The following PARP16 variants were observed in gnomAD, a reference collection of about 807,000 sequenced individuals.
PARP16 encodes the protein poly(ADP-ribose) polymerase family member 16.
A neutral mutation model predicts 35.0 loss-of-function variants in PARP16; 31 were observed. The ratio of observed to expected loss-of-function variants is 0.88; its 90% confidence interval spans 0.66 to 1.19. The LOEUF is 1.19. Ranked by LOEUF, PARP16 falls within the 50% of genes most tolerant of loss-of-function variation. The pLI is 0.00. For missense variants in PARP16, 424 were observed against 411.2 expected, an observed-to-expected ratio of 1.03 and a Z score of -0.27; for synonymous variants, 162 against 169.5, an observed-to-expected ratio of 0.96 and a Z score of 0.34.
intron 1 of PARP16, among the ~76,000 whole-genome samples, chr15:65,272,934 C>G (rs1026045959): frequency 2.6e-5 from 4 of 152,122 alleles, no homozygotes; most frequent in African/African-American, 9.7e-5. Flanking sequence ...CCTCCCAAAC[C>G]CTGGCAACCT....
downstream of PARP16, among the ~76,000 whole-genome samples, chr15:65,255,832 G>A (rs2089491771): frequency 6.6e-6 from 1 of 151,624 alleles, no homozygotes; most frequent in Non-Finnish European, 1.5e-5. Context: ...CCTCAGCCCT[G>A]CTCTGTAGCA....
At chr15:65,239,977 A>ATTTTTTTTTTTTTTTTT (rs72497616) in intron 3 of PARP16, among the ~76,000 whole-genome samples, 1 of 4,994 alleles carries the variant, frequency 2.0e-4, no homozygotes, top group African/African-American at 6.7e-4. Context: ...TTTTTTTTAA[A>ATTTTTTTTTTTTTTTTT]TACAGGGTCT....
intron 1 of PARP16, among the ~76,000 whole-genome samples, chr15:65,272,824 G>A (rs1327418855): frequency 6.6e-6 from 1 of 152,214 alleles, no homozygotes; most frequent in Non-Finnish European, 1.5e-5. Context: ...TCGCCAAGGG[G>A]TTGTCAGGAA....
intron 2 of PARP16, among the ~76,000 whole-genome samples, chr15:65,267,464 G>A (rs932999835): frequency 5.3e-5 from 8 of 150,634 alleles, no homozygotes; most frequent in East Asian, 2.0e-4. Context: ...AAAATTAGCC[G>A]GGCGTGGTGG....
In PARP16 at chr15:65,262,902, T is replaced by G. The variant is rs147946223; in HGVS notation, c.691+247A>C. Among the ~76,000 whole-genome samples the G allele has an allele frequency of 5.5e-3, 831 of 152,292 alleles. 11 individuals carry two copies. Among genetic ancestry groups the G allele is most frequent in the African/African-American group, 0.019 (800 of 41,570 alleles). On this transcript the variant is annotated intron_variant, in intron 4 of 5. Transcript: ENST00000649807. ...TGATTACTACTTCCTCTGAGCTGCCTCTGTGGGCCTCGTCAGCCTCCTTAC... is the reference window on the plus strand; with the variant it reads ...TGATTACTACTTCCTCTGAGCTGCCGCTGTGGGCCTCGTCAGCCTCCTTAC...
In PARP16 at chr15:65,263,189, G is replaced by A. The variant is rs2089791441; in HGVS notation, c.651C>T (p.Val217=). The A allele has an allele frequency of 6.2e-7, 1 of 1,614,000 alleles. No homozygotes were observed. The highest frequency in any genetic ancestry group is 1.3e-5 in the African/African-American group (1 of 74,916). The change falls in exon 4 of 6, where the codon GTC becomes GTT. Residue 217 remains valine, a synonymous_variant. Transcript: ENST00000649807. ...GGCACTTGACGTCCGGATGGTCAATGACCTCACACACGGCCACACAGCTAA... is the reference window on the plus strand; with the variant it reads ...GGCACTTGACGTCCGGATGGTCAATAACCTCACACACGGCCACACAGCTAA... ...PILSCVAVCE[V]IDHPDVKCQT...
intron 2 of PARP16, among the ~76,000 whole-genome samples, chr15:65,270,658 A>G (rs887269434): frequency 6.6e-6 from 1 of 152,168 alleles, no homozygotes; most frequent in Non-Finnish European, 1.5e-5. Flanking sequence ...TCCCCATTTT[A>G]TAGATGAGGA....
chr15:65,237,971 A>G (rs913429619), intron 3 of PARP16, among the ~76,000 whole-genome samples: 2 of 152,156 alleles, frequency 1.3e-5, no homozygotes, highest in African/African-American at 4.8e-5. Context: ...GATCTCATCC[A>G]TTCACTTGGC....
Position 65,259,388 on chromosome 15 carries a change from C to A in PARP16, c.*19G>T. On this transcript the variant is annotated 3_prime_UTR_variant, in exon 6 of 6. Coordinates refer to ENST00000649807, the MANE Select transcript of PARP16 (RefSeq NM_001316943.2). Reference sequence around the variant, plus strand: ...TAAGGCACATAGTTGAGGTAGCCCCCACACCAGGCCCAGAAAGATTATCTT... The same window carrying A: ...TAAGGCACATAGTTGAGGTAGCCCCAACACCAGGCCCAGAAAGATTATCTT... 1.2e-6 allele frequency: 2 copies of A among 1,613,838 alleles called. No homozygotes were observed. The highest frequency in any genetic ancestry group is 1.7e-6 in the Non-Finnish European group (2 of 1,179,780).
chr15:65,242,073 C>A (rs2089093514), intron 3 of PARP16, among the ~76,000 whole-genome samples: 3 of 152,114 alleles, frequency 2.0e-5, no homozygotes, highest in Admixed American at 2.0e-4. Context: ...GATAGAGGTT[C>A]ATTTTGTTTG....
rs1271695340 is a variant in PARP16, at chr15:65,260,909, A to G, written c.809T>C (p.Val270Ala). Residue 270 changes from valine (V) to alanine (A), a missense_variant, in exon 5 of 6, where the codon GTG becomes GCG. Transcript: ENST00000649807. Reference sequence around the variant, plus strand: ...CCTCTTGGGTGGCTTCTGTGAATACACCAGGAGGTACTTCACTCGCAGCAG... The same window carrying G: ...CCTCTTGGGTGGCTTCTGTGAATACGCCAGGAGGTACTTCACTCGCAGCAG... ...NQLLRVKYLLVYSQKPPKRAS... is the reference protein window; with the variant it reads ...NQLLRVKYLLAYSQKPPKRAS... 1 of 1,613,758 alleles carries G rather than the reference A, an allele frequency of 6.2e-7. No homozygotes were observed. Among genetic ancestry groups the G allele is most frequent in the Non-Finnish European group, 8.5e-7 (1 of 1,179,870 alleles).
At chr15:65,270,440 T>G (rs1329548069) in intron 2 of PARP16, among the ~76,000 whole-genome samples, 1 of 152,222 alleles carries the variant, frequency 6.6e-6, no homozygotes, top group Non-Finnish European at 1.5e-5. Flanking sequence ...CTTTGAGTTC[T>G]GCCTCTCCAT....
At chr15:65,277,662 G>A (rs889165167) in intron 1 of PARP16, among the ~76,000 whole-genome samples, 2 of 152,174 alleles carry the variant, frequency 1.3e-5, no homozygotes, top group Non-Finnish European at 2.9e-5. Context: ...CAGGTGGCCC[G>A]ACTCCAGAGT....
At chr15:65,261,299 T>C (rs1327486693) in intron 4 of PARP16, among the ~76,000 whole-genome samples, 2 of 150,758 alleles carry the variant, frequency 1.3e-5, no homozygotes, top group South Asian at 2.1e-4. Flanking sequence ...AAGAAGCAAA[T>C]TGATGGCCAT....
intron 1 of PARP16, among the ~76,000 whole-genome samples, chr15:65,280,431 C>T (rs1044389464): frequency 7.5e-6 from 1 of 133,702 alleles, no homozygotes; most frequent in African/African-American, 3.0e-5. Flanking sequence ...AGCAAGAACT[C>T]GTCTCAAAAA....
chr15:65,274,683 A>G (rs764840454), intron 1 of PARP16, among the ~76,000 whole-genome samples: 3 of 152,098 alleles, frequency 2.0e-5, no homozygotes, highest in Non-Finnish European at 4.4e-5. Context: ...CCCAGGCTGC[A>G]TGGCCTTGCA....
intron 1 of PARP16, among the ~76,000 whole-genome samples, chr15:65,273,276 C>CAAAAAAAAA (rs1233896826): frequency 0.24 from 13,573 of 56,334 alleles, 2,971 homozygotes; most frequent in East Asian, 0.74. Context: ...GACTCTGTCT[C>CAAAAAAAAA]AAAAAAAAAA....
chr15:65,279,324 ATAT>A (rs1017441159), intron 1 of PARP16, among the ~76,000 whole-genome samples: 5 of 152,202 alleles, frequency 3.3e-5, no homozygotes, highest in African/African-American at 1.2e-4. Flanking sequence ...GTTGGTTGCT[ATAT>A]TATTATTATC....
intron 1 of PARP16, among the ~76,000 whole-genome samples, chr15:65,276,975 T>G (rs2090277920): frequency 1.3e-5 from 2 of 149,030 alleles, no homozygotes; most frequent in African/African-American, 4.9e-5. Context: ...AGAGTCAAAC[T>G]TCATCTAAAA....
Sources: gnomAD v4.1 joint callset for allele counts (sites outside exome capture counted in the v4.1 genomes callset) on GRCh38, gnomAD v4.1.1 for gene constraint, MANE v1.5 for transcripts, NCBI Gene and HGNC (gene_info 2026-07-23, HGNC 2026-07-21) for gene names.